Variants in SATB2 observed in about 807,000 individuals in gnomAD.
SATB2 encodes the protein SATB homeobox 2.
Under a neutral mutation model 73.4 loss-of-function variants are expected in SATB2, and 1 was observed. That is an observed-to-expected ratio of 0.01 (90% confidence interval 0.00 to 0.06). The LOEUF (loss-of-function observed/expected upper bound fraction) is 0.06. Among genes scored for constraint, SATB2 ranks in the 10% least tolerant of loss-of-function variants. The pLI is 1.00. For missense variants in SATB2, 459 were observed against 945.8 expected, an observed-to-expected ratio of 0.49 and a Z score of 6.75; for synonymous variants, 397 against 367.0, an observed-to-expected ratio of 1.08 and a Z score of -0.93.
At chr2:199,352,492 A>G (rs964253528) in intron 6 of SATB2, among the ~76,000 whole-genome samples, 3 of 152,164 alleles carry the variant, frequency 2.0e-5, no homozygotes, top group African/African-American at 7.2e-5. Context: ...TTCTATCCTT[A>G]TGAGTTTCCA....
Position 199,455,798 on chromosome 2 carries a change from A to T in SATB2, c.169+71T>A, listed in dbSNP as rs1442752418. ...CCTACACCGCGACAGCGCCTAATCA[A>T]CCTGAACCCTGACACCCGGGCCATT... On this transcript the variant is annotated intron_variant, in intron 2 of 10. Transcript: ENST00000417098. This position sits in a 1 kb window ranked among gnomAD's most constrained non-coding sequence, Gnocchi z 4.1. 6.7e-7 allele frequency: 1 copy of T among 1,502,654 alleles called. No homozygotes were observed. Among genetic ancestry groups the T allele is most frequent in the Non-Finnish European group, 8.9e-7 (1 of 1,118,288 alleles). 93.1% of individuals were successfully genotyped at this position (1,502,654 alleles called of 1,614,324 possible).
intron 10 of SATB2, among the ~76,000 whole-genome samples, chr2:199,289,423 G>A (rs890263695): frequency 9.2e-5 from 14 of 152,164 alleles, no homozygotes; most frequent in African/African-American, 3.4e-4. Context: ...TCACAAGCAA[G>A]ATTCCAGTCT....
chr2:199,323,765 T>G, intron 9 of SATB2, 38 bp downstream of exon 9: 1 of 1,604,850 alleles, frequency 6.2e-7, no homozygotes, highest in Non-Finnish European at 8.5e-7. Flanking sequence ...AAGGATCTAA[T>G]TCCAGCCCTC....
At chr2:199,355,404 A>C (rs1688953513) in intron 6 of SATB2, among the ~76,000 whole-genome samples, 1 of 146,316 alleles carries the variant, frequency 6.8e-6, no homozygotes, top group Non-Finnish European at 1.5e-5. Flanking sequence ...TCTGGCACTT[A>C]ATTTTTATTA....
At chr2:199,405,599 T>C (rs576409297) in intron 3 of SATB2, among the ~76,000 whole-genome samples, 23 of 152,188 alleles carry the variant, frequency 1.5e-4, no homozygotes, top group African/African-American at 4.8e-4. Flanking sequence ...GGAGGGTGTA[T>C]GGGGAGTACT....
Position 199,381,716 on chromosome 2 carries a change from T to A in SATB2, c.451A>T (p.Thr151Ser). 6.2e-7 allele frequency: 1 copy of A among 1,614,130 alleles called. No homozygotes were observed. The highest frequency in any genetic ancestry group is 8.5e-7 in the Non-Finnish European group (1 of 1,179,960). Reference protein sequence around the residue: ...DMLQDVYHVVTLKIQLQSCSK... With the variant: ...DMLQDVYHVVSLKIQLQSCSK... ...CACCTTTGTAATTGGATTTTCAACGTCACAACATGATAGACATCTTGTAGC... is the reference window on the plus strand; with the variant it reads ...CACCTTTGTAATTGGATTTTCAACGACACAACATGATAGACATCTTGTAGC... Residue 151 changes from threonine to serine, a missense_variant, in exon 4 of 11, where the codon ACG becomes TCG. By Grantham distance (58) the Thr-to-Ser change is moderately conservative. Around this residue, in one of 13 missense-constraint regions of SATB2, gnomAD observed 56 missense variants for 183.7 expected, o/e 0.30. Transcript: ENST00000417098.
intron 10 of SATB2, among the ~76,000 whole-genome samples, chr2:199,283,620 A>G (rs1055911024): frequency 4.6e-5 from 7 of 151,452 alleles, no homozygotes; most frequent in Non-Finnish European, 5.9e-5. Context: ...CCACACTTCA[A>G]AATTTGCCAA....
intron 10 of SATB2, among the ~76,000 whole-genome samples, chr2:199,305,294 A>G (rs1215575964): frequency 6.6e-6 from 1 of 151,936 alleles, no homozygotes; most frequent in African/African-American, 2.4e-5. Context: ...CTGACTTTCT[A>G]GATTTTATGT....
At chr2:199,374,283 C>T (rs749887299) in intron 5 of SATB2, among the ~76,000 whole-genome samples, 3 of 152,312 alleles carry the variant, frequency 2.0e-5, no homozygotes, top group Non-Finnish European at 4.4e-5. Flanking sequence ...AACATGTCTA[C>T]ACGCTAAGTA....
chr2:199,369,670 AAG>A (rs1689385269), intron 5 of SATB2, among the ~76,000 whole-genome samples: 1 of 152,160 alleles, frequency 6.6e-6, no homozygotes, highest in Non-Finnish European at 1.5e-5. Flanking sequence ...TTCTCAAAAA[AAG>A]TTAGCCCCAG....
intron 10 of SATB2, among the ~76,000 whole-genome samples, chr2:199,295,949 T>C (rs991514609): frequency 1.1e-4 from 17 of 152,212 alleles, no homozygotes; most frequent in African/African-American, 3.4e-4. Context: ...ATTGAAAGTG[T>C]GCTTTTCTAT....
At chr2:199,377,898 A>G (rs1482384804) in intron 5 of SATB2, among the ~76,000 whole-genome samples, 1 of 152,162 alleles carries the variant, frequency 6.6e-6, no homozygotes, top group Non-Finnish European at 1.5e-5. Flanking sequence ...GAAACTGTTT[A>G]GGTCAGACAA....
In SATB2 at chr2:199,318,371, T is replaced by C. The variant is rs1022692651; in HGVS notation, c.1542+5432A>G. On this transcript the variant is annotated intron_variant, in intron 9 of 10. Coordinates refer to ENST00000417098, the MANE Select transcript of SATB2 (RefSeq NM_001172509.2). ...GCAAAACTTTGATCTTTGTGCAACA[T>C]TTTTTAAAGGCTAGGAAACTAAGTA... 3.3e-5 allele frequency among the ~76,000 whole-genome samples: 5 copies of C among 152,102 alleles called. 1 individual carries two copies. The highest frequency in any genetic ancestry group is 1.2e-4 in the African/African-American group (5 of 41,378).
At chr2:199,335,782 C>G (rs1032717907) in intron 7 of SATB2, among the ~76,000 whole-genome samples, 3 of 152,178 alleles carry the variant, frequency 2.0e-5, no homozygotes, top group African/African-American at 7.2e-5. Flanking sequence ...AATTTTGGGT[C>G]ATGCAAACTT....
intron 10 of SATB2, among the ~76,000 whole-genome samples, chr2:199,289,994 G>A (rs575678167): frequency 6.6e-6 from 1 of 152,312 alleles, no homozygotes; most frequent in East Asian, 1.9e-4. Flanking sequence ...GGCCCTCAGT[G>A]GCCTTCAGGT....
rs532416594 is a variant in SATB2 at position 199,308,773 on chromosome 2, G to T, written c.1727C>A (p.Pro576His). 2 of 1,613,890 alleles carry T rather than the reference G, an allele frequency of 1.2e-6. No individual in the cohort carries two copies. Among genetic ancestry groups the T allele is most frequent in the East Asian group, 4.5e-5 (2 of 44,876 alleles). Residue 576 changes from proline (P) to histidine (H), a missense_variant, in exon 10 of 11, where the codon CCT becomes CAT. Pro to His is a moderately conservative substitution (Grantham distance 77, BLOSUM62 -2). Coordinates refer to ENST00000417098, the MANE Select transcript of SATB2 (RefSeq NM_001172509.2). This position sits in a 1 kb window ranked among gnomAD's most constrained non-coding sequence, Gnocchi z 4.6. ...ERMQHVVQLPPEPVQVLHRQQ... is the reference protein window; with the variant it reads ...ERMQHVVQLPHEPVQVLHRQQ... ...GGGGACACTGACCTGCACCGGCTCAGGGGGAAGCTGGACCACGTGTTGCAT... is the reference window on the plus strand; with the variant it reads ...GGGGACACTGACCTGCACCGGCTCATGGGGAAGCTGGACCACGTGTTGCAT...
intron 10 of SATB2, among the ~76,000 whole-genome samples, chr2:199,275,667 A>G (rs971720098): frequency 1.4e-5 from 2 of 146,688 alleles, no homozygotes; most frequent in African/African-American, 4.9e-5. Context: ...GAGAAGTAAT[A>G]GTCAGAGAAA....
intron 2 of SATB2, among the ~76,000 whole-genome samples, chr2:199,451,049 G>C (rs1171935374): frequency 6.6e-6 from 1 of 150,710 alleles, no homozygotes; most frequent in Non-Finnish European, 1.5e-5. Context: ...TTTTCTGCAG[G>C]GGTTAAAAAA....
chr2:199,290,898 T>G (rs1198893585), intron 10 of SATB2, among the ~76,000 whole-genome samples: 1 of 151,952 alleles, frequency 6.6e-6, no homozygotes, highest in African/African-American at 2.4e-5. Flanking sequence ...CAAATAAAAA[T>G]GAGAGAATCC....
Sources: gnomAD v4.1 joint callset for allele counts (sites outside exome capture counted in the v4.1 genomes callset) on GRCh38, gnomAD v4.1.1 for gene constraint, gnomAD v4.1.1 regional missense constraint, Gnocchi (gnomAD v3.1) non-coding constraint, MANE v1.5 for transcripts, NCBI Gene and HGNC (gene_info 2026-07-23, HGNC 2026-07-21) for gene names.